C8orf89: variants seen among roughly 807,000 people sequenced by gnomAD.
C8orf89 encodes putative uncharacterized protein C8orf89.
C8orf89 carries 14 observed loss-of-function variants against 15.8 expected under a neutral mutation model. The observed-to-expected ratio is 0.89, with a 90% CI of 0.59 to 1.39. C8orf89 has a LOEUF of 1.39. C8orf89 is among the 40% of genes most tolerant of loss of function. C8orf89 has a pLI of 0.00. For synonymous variants in C8orf89, 55 were observed against 62.2 expected, an observed-to-expected ratio of 0.88 and a Z score of 0.54; for missense variants, 181 against 184.5, an observed-to-expected ratio of 0.98 and a Z score of 0.11.
intron 3 of C8orf89, among the ~76,000 whole-genome samples, chr8:73,248,853 G>A (rs1237492127): frequency 6.6e-6 from 1 of 152,074 alleles, no homozygotes; most frequent in African/African-American, 2.4e-5. Flanking sequence ...AAGACTATGG[G>A]GTTTTCTGGA....
the C8orf89 span, among the ~76,000 whole-genome samples, chr8:73,277,136 C>T: frequency 1.0e-3 from 152 of 152,244 alleles, 1 homozygote; most frequent in African/African-American, 3.5e-3. Flanking sequence ...TCAAATCTTC[C>T]AGGGTTTAGC....
the C8orf89 span, chr8:73,277,948 G>A: frequency 1.5e-6 from 1 of 659,752 alleles, no homozygotes. Context: ...ACATGTCTGT[G>A]TTGGCCAGCA....
chr8:73,272,073 G>T, the C8orf89 span, among the ~76,000 whole-genome samples: 40 of 152,226 alleles, frequency 2.6e-4, no homozygotes, highest in Non-Finnish European at 4.4e-4. Flanking sequence ...TCGACTAATG[G>T]CTGGGGTAGG....
At chr8:73,262,917 G>T (rs1813555253), upstream of C8orf89, among the ~76,000 whole-genome samples, 1 of 152,030 alleles carries the variant, frequency 6.6e-6, no homozygotes, top group Admixed American at 6.6e-5. Context: ...AAATATTTTT[G>T]ATGTGATGTT....
the C8orf89 span, among the ~76,000 whole-genome samples, chr8:73,265,627 T>C: frequency 1.1e-4 from 17 of 152,198 alleles, 1 homozygote; most frequent in Admixed American, 9.2e-4. Flanking sequence ...AGCAGTTAAA[T>C]ATGGCTAGCA....
the C8orf89 span, among the ~76,000 whole-genome samples, chr8:73,281,780 AATAGCGTTTGTTCTAGG>A: frequency 4.6e-5 from 7 of 152,294 alleles, no homozygotes; most frequent in Admixed American, 4.6e-4. Context: ...TCCTCCAGAG[AATAGCGTTTGTTCTAGG>A]AAGTGGCTGC....
chr8:73,285,713 A>G, the C8orf89 span, among the ~76,000 whole-genome samples: 1 of 152,136 alleles, frequency 6.6e-6, no homozygotes, highest in Non-Finnish European at 1.5e-5. Context: ...GGCAGCGGGC[A>G]CAGCGGGCAG....
At chr8:73,272,347 T>C in the C8orf89 span, among the ~76,000 whole-genome samples, 1 of 152,170 alleles carries the variant, frequency 6.6e-6, no homozygotes, top group Non-Finnish European at 1.5e-5. Context: ...ATATACTTAT[T>C]ATTGTAATCA....
rs530093211 is a variant in C8orf89 at position 73,253,652 on chromosome 8, G to A, written c.281+3321C>T. Among the ~76,000 whole-genome samples the A allele has an allele frequency of 6.7e-3, 1,003 of 150,772 alleles. 13 individuals are homozygous for A. Among genetic ancestry groups the A allele is most frequent in the African/African-American group, 0.023 (921 of 40,278 alleles). On this transcript the variant is annotated intron_variant, in intron 2 of 3. Coordinates refer to ENST00000624510, the MANE Select transcript of C8orf89 (RefSeq NM_001243237.3). ...AGTTCTCCTTGAAGAGGTCCTTCACGTCCCTTATAAGTTGGATTCCTAGGT... is the reference window on the plus strand; with the variant it reads ...AGTTCTCCTTGAAGAGGTCCTTCACATCCCTTATAAGTTGGATTCCTAGGT...
chr8:73,244,434 C>T (rs575460198), intron 3 of C8orf89, among the ~76,000 whole-genome samples: 1 of 152,244 alleles, frequency 6.6e-6, no homozygotes, highest in African/African-American at 2.4e-5. Context: ...CTACGTATTA[C>T]CCCTAAATAC....
rs962968325 is a variant in C8orf89, at chr8:73,249,234, G to T, written c.337+1034C>A. Among the ~76,000 whole-genome samples, 6 of 152,242 alleles carry T rather than the reference G, an allele frequency of 3.9e-5. No homozygotes were observed. The East Asian group carries it at 1.2e-3, about 29-fold the overall frequency. ...GTAATGAATTGCCTTATTGATTTGG[G>T]TATGTTGAACCAACCTTGCACTGCA... On this transcript the variant is annotated intron_variant, in intron 3 of 3. Transcript: ENST00000624510.
the C8orf89 span, among the ~76,000 whole-genome samples, chr8:73,283,854 A>G: frequency 7.2e-4 from 110 of 152,190 alleles, no homozygotes; most frequent in African/African-American, 2.6e-3. Flanking sequence ...ACCCTGGCCA[A>G]CATGGTGAAA....
the C8orf89 span, among the ~76,000 whole-genome samples, chr8:73,273,198 T>C: frequency 3.3e-5 from 5 of 152,126 alleles, no homozygotes; most frequent in Non-Finnish European, 7.3e-5. Context: ...GCCGTGCCCG[T>C]TTCTGAGTGG....
chr8:73,257,152 CT>C, intron 1 of C8orf89, 26 bp from the exon 2 acceptor site: 1 of 1,463,964 alleles, frequency 6.8e-7, no homozygotes, highest in Admixed American at 2.1e-5. Flanking sequence ...TAAGAATCAT[CT>C]TGATTAAATG....
At chr8:73,273,037 G>A in the C8orf89 span, among the ~76,000 whole-genome samples, 1 of 152,202 alleles carries the variant, frequency 6.6e-6, no homozygotes, top group African/African-American at 2.4e-5. Context: ...GAAATTAGGA[G>A]CCTCAAAAGT....
chr8:73,268,431 A>G, the C8orf89 span, among the ~76,000 whole-genome samples: 2 of 152,012 alleles, frequency 1.3e-5, no homozygotes, highest in African/African-American at 4.8e-5. Flanking sequence ...GTGAGCCGAG[A>G]TCGCGCCACT....
At chr8:73,248,724 T>C (rs1160799209) in intron 3 of C8orf89, among the ~76,000 whole-genome samples, 1 of 152,236 alleles carries the variant, frequency 6.6e-6, no homozygotes, top group Non-Finnish European at 1.5e-5. Context: ...ATTGTGTTCC[T>C]GATTTGGCTC....
intron 2 of C8orf89, among the ~76,000 whole-genome samples, chr8:73,255,179 G>A (rs1813342382): frequency 6.6e-6 from 1 of 151,892 alleles, no homozygotes; most frequent in African/African-American, 2.4e-5. Context: ...GAGTGAACAG[G>A]CAACCTACAA....
intron 3 of C8orf89, among the ~76,000 whole-genome samples, chr8:73,248,000 A>G (rs1178623296): frequency 6.6e-6 from 1 of 152,184 alleles, no homozygotes; most frequent in Admixed American, 6.5e-5. Context: ...CATCTTCATC[A>G]TGAAATCTTT....
Sources: gnomAD v4.1 joint callset for allele counts (sites outside exome capture counted in the v4.1 genomes callset) on GRCh38, gnomAD v4.1.1 for gene constraint, MANE v1.5 for transcripts, NCBI Gene and HGNC (gene_info 2026-07-23, HGNC 2026-07-21) for gene names.